Variants in RBMS3 observed in about 807,000 individuals in gnomAD.
RBMS3 encodes RNA binding motif single stranded interacting protein 3, also known as RNA-binding motif, single-stranded-interacting protein 3.
Under a neutral mutation model 66.8 loss-of-function variants are expected in RBMS3, and 27 were observed. The ratio of observed to expected loss-of-function variants is 0.40; its 90% confidence interval spans 0.30 to 0.56. RBMS3 has a LOEUF of 0.56. Ranked by LOEUF, RBMS3 falls within the 20% of genes least tolerant of loss-of-function variation. The pLI is 0.40. For missense variants in RBMS3, 513 were observed against 549.5 expected (o/e 0.93, Z 0.66); for synonymous variants, 188 against 183.0 (o/e 1.03, Z -0.22).
At chr3:29,383,344 C>A (rs564374888) in intron 1 of RBMS3, among the ~76,000 whole-genome samples, 48 of 152,272 alleles carry the variant, frequency 3.2e-4, no homozygotes, top group Admixed American at 5.2e-4. Context: ...GCAGAGCTGT[C>A]CTTTTTGATT....
chr3:29,498,182 A>T (rs983663808), intron 3 of RBMS3, among the ~76,000 whole-genome samples: 3 of 150,806 alleles, frequency 2.0e-5, no homozygotes, highest in African/African-American at 7.3e-5. Flanking sequence ...TTTAGTAGAG[A>T]CAGGGTTTCA....
chr3:29,634,321 T>A (rs990252142), intron 4 of RBMS3, among the ~76,000 whole-genome samples: 7 of 151,896 alleles, frequency 4.6e-5, no homozygotes, highest in Admixed American at 2.0e-4. Flanking sequence ...AGAAGAGAGA[T>A]CATGAACTAT....
Position 30,003,859 on chromosome 3 carries a change from A to G in RBMS3, c.1311A>G (p.Pro437=), listed in dbSNP as rs1283635346. 2.1e-6 allele frequency: 3 copies of G among 1,455,800 alleles called. No individual in the cohort carries two copies. Among genetic ancestry groups the G allele is most frequent in the South Asian group, 1.6e-5 (1 of 61,454 alleles). The allele number at this position is 1,455,800 out of a possible 1,614,324, so 90.2% of individuals were successfully genotyped here. A position where few individuals can be genotyped will look rare whatever the true frequency, so the allele number is the denominator to read the frequency against. Residue 437 remains proline, a synonymous_variant, in exon 15 of 15, where the codon CCA becomes CCG. Transcript: ENST00000383767. The part of the protein sequence containing the change: ...APAYSYQQSK[P] ...TCTTATTCAATTGTTTTCACAGACC[A>G]TAAACAGGACTGAAGAATGTCTGTC...
intron 3 of RBMS3, among the ~76,000 whole-genome samples, chr3:29,582,966 G>C (rs1175568138): frequency 6.6e-6 from 1 of 152,002 alleles, no homozygotes; most frequent in Non-Finnish European, 1.5e-5. Context: ...ACATAATTTG[G>C]TGAGATATTT....
intron 6 of RBMS3, among the ~76,000 whole-genome samples, chr3:29,790,601 A>C (rs959042384): frequency 6.6e-6 from 1 of 152,146 alleles, no homozygotes; most frequent in Non-Finnish European, 1.5e-5. Context: ...ATTCTCTAAA[A>C]TGACCCAGCC....
At chr3:29,477,328 A>G (rs945904895) in intron 2 of RBMS3, among the ~76,000 whole-genome samples, 1 of 152,154 alleles carries the variant, frequency 6.6e-6, no homozygotes, top group African/African-American at 2.4e-5. Context: ...GTACCTGGAC[A>G]TACTTGACTC....
intron 1 of RBMS3, among the ~76,000 whole-genome samples, chr3:29,307,538 G>C (rs1206424395): frequency 6.6e-6 from 1 of 151,850 alleles, no homozygotes; most frequent in African/African-American, 2.4e-5. Context: ...AAATGTAAGT[G>C]ATTCACCACA....
chr3:29,733,139 G>A (rs1460417919), intron 4 of RBMS3, among the ~76,000 whole-genome samples: 3 of 151,930 alleles, frequency 2.0e-5, no homozygotes, highest in African/African-American at 7.2e-5. Context: ...CTTTCTCAAT[G>A]TTTTTAAAAA....
At chr3:29,335,087 T>C (rs1052391953) in intron 1 of RBMS3, among the ~76,000 whole-genome samples, 2 of 151,588 alleles carry the variant, frequency 1.3e-5, no homozygotes, top group African/African-American at 2.4e-5. Flanking sequence ...TACTGGAAAA[T>C]GAAGCCTGCT....
chr3:29,395,962 G>A (rs911194339), intron 1 of RBMS3, among the ~76,000 whole-genome samples: 3 of 152,282 alleles, frequency 2.0e-5, no homozygotes, highest in Non-Finnish European at 4.4e-5. Flanking sequence ...TTGATGAGGA[G>A]CAAGATATTT....
At chr3:29,427,124 CT>C (rs1320786570) in intron 1 of RBMS3, among the ~76,000 whole-genome samples, 2 of 152,254 alleles carry the variant, frequency 1.3e-5, no homozygotes, top group Middle Eastern at 3.4e-3. Context: ...GGAGTTTTGT[CT>C]TTTATTGCTT....
chr3:29,453,192 T>A (rs1215132612), intron 2 of RBMS3, among the ~76,000 whole-genome samples: 2 of 152,196 alleles, frequency 1.3e-5, no homozygotes, highest in Non-Finnish European at 2.9e-5. Context: ...TTGAACTCAT[T>A]TGGAAGATAT....
chr3:29,482,870 G>C (rs536910952), intron 2 of RBMS3, among the ~76,000 whole-genome samples: 1 of 151,198 alleles, frequency 6.6e-6, no homozygotes, highest in South Asian at 2.1e-4. Flanking sequence ...ACCACGCCCG[G>C]CTATTTTTTG....
chr3:29,564,893 A>G (rs1170960377), intron 3 of RBMS3, among the ~76,000 whole-genome samples: 1 of 152,174 alleles, frequency 6.6e-6, no homozygotes. Flanking sequence ...AGAAAAAAAA[A>G]AGAATATCTT....
intron 3 of RBMS3, among the ~76,000 whole-genome samples, chr3:29,585,394 G>A (rs530707728): frequency 4.5e-4 from 69 of 152,214 alleles, no homozygotes; most frequent in African/African-American, 1.5e-3. Flanking sequence ...AGTTTACAAC[G>A]TAGGGATATA....
At chr3:29,778,328 A>G (rs2056496400) in intron 6 of RBMS3, among the ~76,000 whole-genome samples, 1 of 151,566 alleles carries the variant, frequency 6.6e-6, no homozygotes, top group African/African-American at 2.4e-5. Context: ...CTCTCTGTAT[A>G]TGATTATTTC....
At chr3:29,884,264 T>G in intron 8 of RBMS3, 56 bp downstream of exon 8, 1 of 1,473,470 alleles carries the variant, frequency 6.8e-7, no homozygotes, top group Non-Finnish European at 9.4e-7. Flanking sequence ...GAGCTCTGAA[T>G]CAACATCAAA....
At chr3:29,984,550 T>A (rs902497581) in intron 12 of RBMS3, among the ~76,000 whole-genome samples, 2 of 152,124 alleles carry the variant, frequency 1.3e-5, no homozygotes, top group East Asian at 1.9e-4. Flanking sequence ...CTTCATGGAT[T>A]TATCTACCTT....
At chr3:29,941,882 G>A (rs565629245) in intron 11 of RBMS3, among the ~76,000 whole-genome samples, 2 of 151,826 alleles carry the variant, frequency 1.3e-5, no homozygotes, top group Non-Finnish European at 2.9e-5. Context: ...GCTAATGAAG[G>A]TGTAGGAAAA....
Sources: allele counts gnomAD v4.1 joint callset (sites outside exome capture counted in the v4.1 genomes callset), GRCh38; gene constraint gnomAD v4.1.1; transcripts MANE v1.5; gene names NCBI Gene and HGNC (gene_info 2026-07-23, HGNC 2026-07-21).